The following CHRM3 variants were observed in gnomAD, a reference collection of about 807,000 sequenced individuals.
CHRM3 encodes the protein cholinergic receptor muscarinic 3.
A neutral mutation model predicts 41.8 loss-of-function variants in CHRM3; 11 were observed. The ratio of observed to expected loss-of-function variants is 0.26; its 90% confidence interval spans 0.17 to 0.44. The LOEUF is 0.44. Ranked by LOEUF, CHRM3 falls within the 20% of genes least tolerant of loss-of-function variation. CHRM3 has a pLI of 1.00. For synonymous variants in CHRM3, 297 were observed against 301.4 expected (o/e 0.99, Z 0.15); for missense variants, 571 against 745.4 (o/e 0.77, Z 2.72).
Position 239,876,234 on chromosome 1 carries a change from T to C in CHRM3, c.-19-31199T>C, listed in dbSNP as rs367551018. Among the ~76,000 whole-genome samples, 37 of 152,352 alleles carry C rather than the reference T, an allele frequency of 2.4e-4. 1 individual carries two copies. The East Asian group carries it at 4.4e-3, about 18-fold the overall frequency. ...ACATCTTCTTATATAACTGAACAAT[T>C]AATTATACACAGACATAGTCCACTC... On this transcript the variant is annotated intron_variant, in intron 6 of 6. Coordinates refer to ENST00000676153, the MANE Select transcript of CHRM3 (RefSeq NM_001375978.1).
At chr1:239,522,316 G>A (rs552541443) in intron 2 of CHRM3, among the ~76,000 whole-genome samples, 30 of 152,324 alleles carry the variant, frequency 2.0e-4, no homozygotes, top group East Asian at 9.7e-4. Context: ...AGTTGTGGCC[G>A]TTGGCCACCA....
intron 1 of CHRM3, among the ~76,000 whole-genome samples, chr1:239,418,231 A>G (rs1661660466): frequency 6.6e-6 from 1 of 152,184 alleles, no homozygotes; most frequent in African/African-American, 2.4e-5. Flanking sequence ...AATACCAGAA[A>G]GAATGCTGAC....
At chr1:239,751,341 G>A (rs1200195206) in intron 5 of CHRM3, among the ~76,000 whole-genome samples, 8 of 151,904 alleles carry the variant, frequency 5.3e-5, no homozygotes, top group Admixed American at 1.3e-4. Context: ...TCATTGAAGC[G>A]CTATTCATTG....
At chr1:239,673,911 A>G (rs981521987) in intron 4 of CHRM3, among the ~76,000 whole-genome samples, 3 of 152,136 alleles carry the variant, frequency 2.0e-5, no homozygotes, top group African/African-American at 4.8e-5. Flanking sequence ...AAAACACTCC[A>G]AATCTAAAAC....
chr1:239,516,940 T>TGTCTC (rs1312395984), intron 2 of CHRM3, among the ~76,000 whole-genome samples: 9 of 152,152 alleles, frequency 5.9e-5, no homozygotes, highest in African/African-American at 2.2e-4. Flanking sequence ...GATCTGTCAC[T>TGTCTC]GTCTCTCCCA....
At chr1:239,637,814 G>T (rs1449352106) in intron 4 of CHRM3, among the ~76,000 whole-genome samples, 34 of 148,468 alleles carry the variant, frequency 2.3e-4, no homozygotes, top group African/African-American at 8.2e-4. Context: ...TGTGCACAAT[G>T]TGGTTAGTTA....
At chr1:239,486,219 T>C (rs1667172783) in intron 1 of CHRM3, among the ~76,000 whole-genome samples, 1 of 152,198 alleles carries the variant, frequency 6.6e-6, no homozygotes, top group South Asian at 2.1e-4. Context: ...TCTAGCAATA[T>C]CTATAAATCT....
rs1553294739 is a variant in CHRM3 at position 239,408,534 on chromosome 1, A to AAAC, written c.-521+21309_-521+21310insCAA. On this transcript the variant is annotated intron_variant, in intron 1 of 6. Transcript: ENST00000676153. ...GAGAGACTCCGTCAAAAAAAAAAAA[A>AAAC]AAAAAAAAAACTCTCTCCTTTATAA... is the stretch of plus-strand genomic sequence containing the variant. Among the ~76,000 whole-genome samples, 290 of 150,626 alleles carry AAAC rather than the reference A, an allele frequency of 1.9e-3. 2 individuals carry two copies. Among genetic ancestry groups the AAAC allele is most frequent in the Middle Eastern group, 0.017 (5 of 294 alleles).
At chr1:239,553,842 G>A (rs887650951) in intron 3 of CHRM3, among the ~76,000 whole-genome samples, 2 of 152,138 alleles carry the variant, frequency 1.3e-5, no homozygotes, top group Non-Finnish European at 2.9e-5. Context: ...AAATTTAAAT[G>A]TAGGGGCAAA....
intron 1 of CHRM3, among the ~76,000 whole-genome samples, chr1:239,442,669 A>C (rs1663824657): frequency 6.6e-6 from 1 of 152,182 alleles, no homozygotes; most frequent in Non-Finnish European, 1.5e-5. Context: ...AAATATAAGC[A>C]GGGAATTTTT....
intron 5 of CHRM3, among the ~76,000 whole-genome samples, chr1:239,789,085 G>A (rs1669139128): frequency 6.6e-6 from 1 of 152,128 alleles, no homozygotes; most frequent in Non-Finnish European, 1.5e-5. Context: ...GCTTCACCAT[G>A]TTCAAATGTG....
chr1:239,519,741 CTTTTTTTTT>C (rs386370161), intron 2 of CHRM3, among the ~76,000 whole-genome samples: 59 of 85,054 alleles, frequency 6.9e-4, no homozygotes, highest in Admixed American at 5.2e-3. Flanking sequence ...AAAACTAGTT[CTTTTTTTTT>C]TTTTTTTTTT....
At chr1:239,648,840 G>T (rs764121915) in intron 4 of CHRM3, among the ~76,000 whole-genome samples, 7 of 152,050 alleles carry the variant, frequency 4.6e-5, no homozygotes, top group Non-Finnish European at 7.4e-5. Flanking sequence ...TGAGATGTTC[G>T]GTCTCAAGAA....
At chr1:239,858,507 A>T (rs1675304063) in intron 6 of CHRM3, among the ~76,000 whole-genome samples, 1 of 126,644 alleles carries the variant, frequency 7.9e-6, no homozygotes, top group South Asian at 3.0e-4. Context: ...TATGTGCCAT[A>T]GTATTTTCAT....
intron 5 of CHRM3, among the ~76,000 whole-genome samples, chr1:239,731,528 A>C (rs1467489247): frequency 6.6e-6 from 1 of 151,920 alleles, no homozygotes; most frequent in Non-Finnish European, 1.5e-5. Flanking sequence ...GTATTGTGAT[A>C]ATTTGTATGC....
At chr1:239,698,491 A>G (rs1324875486) in intron 5 of CHRM3, among the ~76,000 whole-genome samples, 7 of 152,206 alleles carry the variant, frequency 4.6e-5, no homozygotes, top group Non-Finnish European at 4.4e-5. Flanking sequence ...CACTTCATCT[A>G]CAAAGAGTGA....
chr1:239,576,438 G>A (rs1046806961), intron 3 of CHRM3, among the ~76,000 whole-genome samples: 3 of 152,086 alleles, frequency 2.0e-5, no homozygotes, highest in African/African-American at 7.2e-5. Flanking sequence ...GCTCATGAGT[G>A]AATATGAAAT....
At chr1:239,905,496 G>A (rs765473666) in intron 6 of CHRM3, among the ~76,000 whole-genome samples, 18 of 152,022 alleles carry the variant, frequency 1.2e-4, no homozygotes, top group African/African-American at 1.9e-4. Context: ...ACTAGATGCC[G>A]GGGTTTTGAG....
At chr1:239,462,291 G>T (rs1243523246) in intron 1 of CHRM3, among the ~76,000 whole-genome samples, 1 of 152,110 alleles carries the variant, frequency 6.6e-6, no homozygotes, top group African/African-American at 2.4e-5. Flanking sequence ...AAATTTGGGA[G>T]CAAGTAGAAA....
Sources: allele counts gnomAD v4.1 joint callset (sites outside exome capture counted in the v4.1 genomes callset), GRCh38; gene constraint gnomAD v4.1.1; transcripts MANE v1.5; gene names NCBI Gene and HGNC (gene_info 2026-07-23, HGNC 2026-07-21).